Variants in XIRP2 observed in about 807,000 individuals in gnomAD.
XIRP2 encodes xin actin binding repeat containing 2.
A neutral mutation model predicts 277.0 loss-of-function variants in XIRP2; 236 were observed. That is an observed-to-expected ratio of 0.85 (90% CI 0.77 to 0.95). The LOEUF (loss-of-function observed/expected upper bound fraction) is 0.95, where lower values mean the gene tolerates loss of function less well. Among genes scored for constraint, XIRP2 ranks in the 40% least tolerant of loss-of-function variants. The probability of loss-of-function intolerance (pLI) is 0.00; values close to 1 mark genes in which losing one functional copy is unlikely to be tolerated. For synonymous variants in XIRP2, 1,490 were observed against 1,416.5 expected, an observed-to-expected ratio of 1.05 and a Z score of -1.17; for missense variants, 4,640 against 4,157.5, an observed-to-expected ratio of 1.12 and a Z score of -3.19.
In XIRP2 at chr2:166,914,090, A is replaced by T. The variant is rs141445028; in HGVS notation, c.408+10200A>T. 7.9e-5 allele frequency among the ~76,000 whole-genome samples: 12 copies of T among 152,350 alleles called. 2 individuals carry two copies. In the East Asian group the frequency reaches 2.3e-3, roughly 29 times the overall value. On this transcript the variant is annotated intron_variant, in intron 2 of 10. Transcript: ENST00000409195. ...AGATTTTCATGAATTATCCCAGATG[A>T]AAACTGAGTCTTTATCAGAGGAACA... is the stretch of plus-strand genomic sequence containing the variant.
At chr2:166,999,164 G>T (rs145605358) in intron 2 of XIRP2, among the ~76,000 whole-genome samples, 1,658 of 152,128 alleles carry the variant, frequency 0.011, 10 homozygotes, top group Non-Finnish European at 0.017. Flanking sequence ...AAGGTTGAAG[G>T]ATGCTTAATA....
chr2:167,043,105 G>A (rs1449348175), intron 2 of XIRP2, among the ~76,000 whole-genome samples: 1 of 151,956 alleles, frequency 6.6e-6, no homozygotes, highest in Non-Finnish European at 1.5e-5. Context: ...ATGAAATGAA[G>A]GCAGAAATCA....
chr2:166,966,036 A>C (rs1340203992), intron 2 of XIRP2, among the ~76,000 whole-genome samples: 1 of 151,940 alleles, frequency 6.6e-6, no homozygotes, highest in Non-Finnish European at 1.5e-5. Context: ...ATCTATTAAT[A>C]ACTTGAGTCA....
chr2:167,186,634 C>T (rs1559012210), intron 3 of XIRP2, among the ~76,000 whole-genome samples: 1 of 152,078 alleles, frequency 6.6e-6, no homozygotes. Context: ...TTGGTAAGTC[C>T]TGGCAGCAAA....
At chr2:166,940,639 T>G (rs941796405) in intron 2 of XIRP2, among the ~76,000 whole-genome samples, 1 of 152,204 alleles carries the variant, frequency 6.6e-6, no homozygotes, top group Non-Finnish European at 1.5e-5. Flanking sequence ...GGATATCCTT[T>G]CTGTTTGTTA....
chr2:167,200,652 ATC>A (rs538215354), intron 3 of XIRP2, among the ~76,000 whole-genome samples: 4 of 152,338 alleles, frequency 2.6e-5, no homozygotes, highest in Admixed American at 2.6e-4. Context: ...ATAAGGTCAG[ATC>A]AATACTGTAT....
chr2:166,936,959 G>T (rs1353460838), intron 2 of XIRP2, among the ~76,000 whole-genome samples: 1 of 152,156 alleles, frequency 6.6e-6, no homozygotes, highest in South Asian at 2.1e-4. Context: ...GAAAGTTATT[G>T]GTAGCTTAAT....
At chr2:167,221,205 T>G (rs7556840) in intron 5 of XIRP2, among the ~76,000 whole-genome samples, 44,182 of 151,850 alleles carry the variant, frequency 0.29, 8,687 homozygotes, top group African/African-American at 0.56. Flanking sequence ...AGGTGCGGTG[T>G]CTCATGCCTG....
chr2:166,967,950 C>A (rs1329080936), intron 2 of XIRP2, among the ~76,000 whole-genome samples: 1 of 151,868 alleles, frequency 6.6e-6, no homozygotes, highest in Non-Finnish European at 1.5e-5. Context: ...CATAAAACTT[C>A]TATATAAACA....
intron 2 of XIRP2, among the ~76,000 whole-genome samples, chr2:167,133,821 CTGAGA>C (rs1469300291): frequency 6.6e-6 from 1 of 152,120 alleles, no homozygotes; most frequent in East Asian, 1.9e-4. Context: ...CCAGAATGAA[CTGAGA>C]TAAGGATGTT....
intron 2 of XIRP2, among the ~76,000 whole-genome samples, chr2:166,904,349 T>C (rs1684463717): frequency 6.6e-6 from 1 of 152,142 alleles, no homozygotes; most frequent in Non-Finnish European, 1.5e-5. Context: ...AGCCTGCCAT[T>C]AACTTCTCTA....
chr2:166,899,713 T>C (rs1684330376), intron 1 of XIRP2, among the ~76,000 whole-genome samples: 1 of 152,176 alleles, frequency 6.6e-6, no homozygotes, highest in African/African-American at 2.4e-5. Context: ...TCTTCATGGT[T>C]TCTGATGAGA....
rs543586575 is a variant in XIRP2 at position 167,071,002 on chromosome 2, A to G, written c.409-64907A>G. Among the ~76,000 whole-genome samples, 10 of 152,304 alleles carry G rather than the reference A, an allele frequency of 6.6e-5. No individual in the cohort carries two copies. The South Asian group carries it at 1.9e-3, about 28-fold the overall frequency. On this transcript the variant is annotated intron_variant, in intron 2 of 10. Coordinates refer to ENST00000409195, the MANE Select transcript of XIRP2 (RefSeq NM_152381.6). ...TACATACTATTATCACTGATATTTTATAACTCAGGCTGAGATTAAGTAGTT... is the reference window on the plus strand; with the variant it reads ...TACATACTATTATCACTGATATTTTGTAACTCAGGCTGAGATTAAGTAGTT...
At chr2:167,029,907 T>C (rs1688289478) in intron 2 of XIRP2, among the ~76,000 whole-genome samples, 1 of 152,148 alleles carries the variant, frequency 6.6e-6, no homozygotes. Flanking sequence ...AGTTCAGGGA[T>C]TGGACTTCTT....
At chr2:167,087,641 G>A (rs536022887) in intron 2 of XIRP2, among the ~76,000 whole-genome samples, 7 of 152,328 alleles carry the variant, frequency 4.6e-5, no homozygotes, top group East Asian at 3.9e-4. Context: ...ATATAATCTC[G>A]TGGTGTGCCG....
intron 2 of XIRP2, among the ~76,000 whole-genome samples, chr2:166,986,343 A>G (rs992631968): frequency 5.3e-5 from 8 of 152,224 alleles, no homozygotes; most frequent in African/African-American, 1.9e-4. Context: ...AACTGATGTA[A>G]TGTAGCCACT....
intron 2 of XIRP2, among the ~76,000 whole-genome samples, chr2:167,062,122 T>A (rs2105240943): frequency 6.6e-6 from 1 of 152,346 alleles, no homozygotes; most frequent in East Asian, 1.9e-4. Context: ...TCTGATGGAT[T>A]ACTTGAATTG....
At chr2:167,215,528 A>G (rs895850709) in intron 4 of XIRP2, among the ~76,000 whole-genome samples, 2 of 152,172 alleles carry the variant, frequency 1.3e-5, no homozygotes, top group African/African-American at 4.8e-5. Context: ...TTTAATATCT[A>G]TTTGAAAGAC....
At chr2:167,195,963 T>A (rs1014916580) in intron 3 of XIRP2, among the ~76,000 whole-genome samples, 4 of 152,126 alleles carry the variant, frequency 2.6e-5, no homozygotes, top group African/African-American at 9.7e-5. Flanking sequence ...CCCCCAATTC[T>A]GGCTAAATCC....
Sources: gnomAD v4.1 joint callset for allele counts (sites outside exome capture counted in the v4.1 genomes callset) on GRCh38, gnomAD v4.1.1 for gene constraint, MANE v1.5 for transcripts, NCBI Gene and HGNC (gene_info 2026-07-23, HGNC 2026-07-21) for gene names.